The following CRMP1 variants were observed in gnomAD, a reference collection of about 807,000 sequenced individuals.
CRMP1 encodes the protein dihydropyrimidinase-related protein 1.
A neutral mutation model predicts 68.3 loss-of-function variants in CRMP1; 19 were observed. The ratio of observed to expected loss-of-function variants is 0.28; its 90% CI spans 0.19 to 0.41. The LOEUF (loss-of-function observed/expected upper bound fraction) is 0.41. Ranked by LOEUF, CRMP1 falls within the 10% of genes least tolerant of loss-of-function variation. The probability of loss-of-function intolerance (pLI) is 1.00; values close to 1 mark genes in which losing one functional copy is unlikely to be tolerated. For synonymous variants in CRMP1, 439 were observed against 399.6 expected (o/e 1.10, Z -1.18); for missense variants, 791 against 967.4 (o/e 0.82, Z 2.42).
At position 5,858,491 on chromosome 4, in the gene CRMP1, C is replaced by T. The variant is rs1713299407; in HGVS notation, c.656-2184G>A. Among the ~76,000 whole-genome samples, 2 of 152,138 alleles carry T rather than the reference C, an allele frequency of 1.3e-5. No homozygotes were observed. The highest frequency in any genetic ancestry group is 4.1e-4 in the South Asian group (2 of 4,824). ...AGGTCACCCGTGGCACTTCCTTTCC[C>T]TCACATGCCCCCGTGTGTGACCCAG... On this transcript the variant is annotated intron_variant, in intron 3 of 13. Coordinates refer to ENST00000324989, the MANE Select transcript of CRMP1 (RefSeq NM_001014809.3). The surrounding 1 kb of genome is among the most constrained non-coding windows in gnomAD (Gnocchi z 5.5).
In CRMP1 at chr4:5,836,828, G is replaced by A. The variant is rs146972312; in HGVS notation, c.1389C>T (p.Thr463=). 23 of 1,614,038 alleles carry A rather than the reference G, an allele frequency of 1.4e-5. No homozygotes were observed. The highest frequency in any genetic ancestry group is 2.2e-5 in the East Asian group (1 of 44,888). ...TCCCGTTGACACCCTCGGGGATCAG[G>A]GTAAAGTTGTCCTTGCCCACCGCCT... is the stretch of plus-strand genomic sequence containing the variant. ...AQKAVGKDNF[T]LIPEGVNGIE... is the part of the protein sequence containing the mutation. The change falls in exon 10 of 14, where the codon ACC becomes ACT. Residue 463 remains threonine, a synonymous_variant. Coordinates refer to ENST00000324989, the MANE Select transcript of CRMP1 (RefSeq NM_001014809.3).
chr4:5,839,392 C>G (rs1711532024), intron 9 of CRMP1, 130 bp downstream of exon 9: 1 of 1,180,414 alleles, frequency 8.5e-7, no homozygotes, highest in African/African-American at 1.5e-5. Context: ...GAGCGCAGTC[C>G]TTGCAGAGCA....
chr4:5,887,429 T>C, intron 1 of CRMP1: 1 of 985,364 alleles, frequency 1.0e-6, no homozygotes, highest in Non-Finnish European at 1.2e-6. Context: ...ACAGTCAGGC[T>C]CCACGCTGAT....
At chr4:5,824,657 C>T in intron 13 of CRMP1, 1 of 954,982 alleles carries the variant, frequency 1.0e-6, no homozygotes. Context: ...TTGAATATAA[C>T]ATCCTAGATG....
In CRMP1 at chr4:5,891,304, C is replaced by G. The variant is rs1452393800; in HGVS notation, c.381+1285G>C. Reference sequence around the variant, plus strand: ...AGCCCGCCCGCGAAGGGATGGGGCCCGAAGAGGCCCACCACCGTGTTTACC... The same window carrying G: ...AGCCCGCCCGCGAAGGGATGGGGCCGGAAGAGGCCCACCACCGTGTTTACC... On this transcript the variant is annotated intron_variant, in intron 1 of 13. Coordinates refer to ENST00000324989, the MANE Select transcript of CRMP1 (RefSeq NM_001014809.3). This position sits in a 1 kb window ranked among gnomAD's most constrained non-coding sequence, Gnocchi z 5.2. Among the ~76,000 whole-genome samples, 2 of 151,820 alleles carry G rather than the reference C, an allele frequency of 1.3e-5. No homozygotes were observed. Among genetic ancestry groups the G allele is most frequent in the South Asian group, 2.1e-4 (1 of 4,788 alleles).
In CRMP1 at chr4:5,853,278, T is replaced by G. The variant is rs868595533; in HGVS notation, c.821-1809A>C. Among the ~76,000 whole-genome samples the G allele has an allele frequency of 6.6e-6, 1 of 152,114 alleles. No individual in the cohort carries two copies. Among genetic ancestry groups the G allele is most frequent in the Non-Finnish European group, 1.5e-5 (1 of 68,014 alleles). ...AAATACAAAAATTAGCCGGGTGTGG[T>G]GGCAGGTGCCTGTAATCCAAGCTAC... On this transcript the variant is annotated intron_variant, in intron 4 of 13. Transcript: ENST00000324989. The surrounding 1 kb of genome is among the most constrained non-coding windows in gnomAD (Gnocchi z 4.7).
At position 5,865,319 on chromosome 4, in the gene CRMP1, C is replaced by G. The variant is rs540883896; in HGVS notation, c.470+1349G>C. Among the ~76,000 whole-genome samples, 8 of 152,076 alleles carry G rather than the reference C, an allele frequency of 5.3e-5. No individual in the cohort carries two copies. Among genetic ancestry groups the G allele is most frequent in the Non-Finnish European group, 1.0e-4 (7 of 68,006 alleles). ...AAAGAGAACTGCCCTGATCCTCACC[C>G]GCCAGTAAAATGTTAAGGCCAGCCA... On this transcript the variant is annotated intron_variant, in intron 2 of 13. Coordinates refer to ENST00000324989, the MANE Select transcript of CRMP1 (RefSeq NM_001014809.3). The surrounding 1 kb of genome is among the most constrained non-coding windows in gnomAD (Gnocchi z 4.1).
intron 13 of CRMP1, chr4:5,824,367 G>A (rs367628457): frequency 2.0e-6 from 2 of 985,412 alleles, no homozygotes; most frequent in Non-Finnish European, 2.4e-6. Context: ...CTTATGGAGA[G>A]TGAGATGAAT....
chr4:5,843,977 A>AC lies in CRMP1; in HGVS notation c.964-817_964-816insG, dbSNP rs1711990969. On this transcript the variant is annotated intron_variant, in intron 6 of 13. Coordinates refer to ENST00000324989, the MANE Select transcript of CRMP1 (RefSeq NM_001014809.3). This position sits in a 1 kb window ranked among gnomAD's most constrained non-coding sequence, Gnocchi z 4.1. ...AATTTCTAAAATAAAAAATAAAAAA[A>AC]AAATTTGACATTGCCCAGATGCCAG... 6.6e-6 allele frequency among the ~76,000 whole-genome samples: 1 copy of AC among 151,986 alleles called. No individual in the cohort carries two copies. Among genetic ancestry groups the AC allele is most frequent in the African/African-American group, 2.4e-5 (1 of 41,346 alleles).
intron 6 of CRMP1, among the ~76,000 whole-genome samples, chr4:5,847,699 T>C (rs1309885640): frequency 6.6e-6 from 1 of 152,234 alleles, no homozygotes; most frequent in East Asian, 1.9e-4. Flanking sequence ...ATCATGTTGC[T>C]CTTCCACTGC....
At chr4:5,829,794 A>G (rs6820236) in intron 11 of CRMP1, among the ~76,000 whole-genome samples, 32,475 of 152,174 alleles carry the variant, frequency 0.21, 5,800 homozygotes, top group African/African-American at 0.5. Flanking sequence ...AGTTCCCAAG[A>G]ATAAACAGTT....
chr4:5,865,685 T>A lies in CRMP1; in HGVS notation c.470+983A>T, dbSNP rs1329144924. On this transcript the variant is annotated intron_variant, in intron 2 of 13. Transcript: ENST00000324989. This position sits in a 1 kb window ranked among gnomAD's most constrained non-coding sequence, Gnocchi z 4.1. ...CTGCCTGGCGTTATGGACTGAATTG[T>A]ATCTCCCAAAATTCATGTTGAAGCC... Among the ~76,000 whole-genome samples, 2 of 151,626 alleles carry A rather than the reference T, an allele frequency of 1.3e-5. No individual in the cohort carries two copies. The highest frequency in any genetic ancestry group is 2.9e-5 in the Non-Finnish European group (2 of 68,010).
At position 5,860,124 on chromosome 4, in the gene CRMP1, A is replaced by G. The variant is rs1328794692; in HGVS notation, c.655+902T>C. The stretch of plus-strand genomic sequence containing the variant: ...GCCCGCAGTGTTTCCTTCCCTCCCC[A>G]ACCTCACCAGGGCTCTCTGTGGCAC... On this transcript the variant is annotated intron_variant, in intron 3 of 13. Transcript: ENST00000324989. This position sits in a 1 kb window ranked among gnomAD's most constrained non-coding sequence, Gnocchi z 4.2. Among the ~76,000 whole-genome samples, 1 of 151,908 alleles carries G rather than the reference A, an allele frequency of 6.6e-6. No homozygotes were observed. Among genetic ancestry groups the G allele is most frequent in the Admixed American group, 6.6e-5 (1 of 15,264 alleles).
intron 11 of CRMP1, among the ~76,000 whole-genome samples, chr4:5,833,758 T>C (rs754642047): frequency 3.9e-5 from 6 of 152,098 alleles, no homozygotes; most frequent in Non-Finnish European, 7.4e-5. Flanking sequence ...ACTGAAATAG[T>C]AAGAGGCTGG....
In CRMP1 at chr4:5,836,924, A is replaced by AG. The variant is rs1460140160; in HGVS notation, c.1311-19dup. On this transcript the variant is annotated intron_variant, in intron 9 of 13. Transcript: ENST00000324989. ...AGTCCCCACTGGCAAGGACAAAACA[A>AG]GGTAGAGTTCAGACCCTAGTTCATT... is the stretch of plus-strand genomic sequence containing the variant. The AG allele has an allele frequency of 1.2e-6, 2 of 1,600,168 alleles. No homozygotes were observed. The highest frequency in any genetic ancestry group is 4.5e-5 in the East Asian group (2 of 44,812).
chr4:5,859,187 C>G lies in CRMP1; in HGVS notation c.655+1839G>C, dbSNP rs1400534747. Among the ~76,000 whole-genome samples, 3 of 152,182 alleles carry G rather than the reference C, an allele frequency of 2.0e-5. No homozygotes were observed. In the East Asian group the frequency reaches 5.8e-4, roughly 29 times the overall value. On this transcript the variant is annotated intron_variant, in intron 3 of 13. Transcript: ENST00000324989. The surrounding 1 kb of genome is among the most constrained non-coding windows in gnomAD (Gnocchi z 5.2). ...GGTACAGTGCCTGGTGCGGACAACTCTTACTTAACATCTGTTGAATGAAGA... is the reference window on the plus strand; with the variant it reads ...GGTACAGTGCCTGGTGCGGACAACTGTTACTTAACATCTGTTGAATGAAGA...
chr4:5,860,435 G>C lies in CRMP1; in HGVS notation c.655+591C>G, dbSNP rs1439872559. The stretch of plus-strand genomic sequence containing the variant: ...CCCTCAAATGAGAAAAACAAGTGTT[G>C]CTTAAGATTTGGGGGCTGTTTGTTA... On this transcript the variant is annotated intron_variant, in intron 3 of 13. Transcript: ENST00000324989. The surrounding 1 kb of genome is among the most constrained non-coding windows in gnomAD (Gnocchi z 4.2). 3.9e-5 allele frequency among the ~76,000 whole-genome samples: 6 copies of C among 152,272 alleles called. No individual in the cohort carries two copies. The highest frequency in any genetic ancestry group is 3.4e-3 in the Middle Eastern group (1 of 294).
At position 5,892,745 on chromosome 4, in the gene CRMP1, C is replaced by G. The variant is rs1173034406; in HGVS notation, c.225G>C (p.Leu75=). The G allele has an allele frequency of 1.1e-5, 13 of 1,225,786 alleles. No homozygotes were observed. Among genetic ancestry groups the G allele is most frequent in the Non-Finnish European group, 1.3e-5 (13 of 985,582 alleles). The allele number at this position is 1,225,786 out of a possible 1,614,324, so 75.9% of individuals were successfully genotyped here. The change falls in exon 1 of 14, where the codon CTG becomes CTC. Residue 75 remains leucine, a synonymous_variant. Transcript: ENST00000324989. The surrounding 1 kb of genome is among the most constrained non-coding windows in gnomAD (Gnocchi z 8.6). The stretch of plus-strand genomic sequence containing the variant: ...TGTCCTCGCTGCCTCCCGGCCCTGG[C>G]AGCCCGACCGCGTCGGGCCGGCCAG... ...RSAGRPDAVG[L]PGPGGSEDTA...
chr4:5,833,503 C>G (rs966626311), intron 11 of CRMP1, among the ~76,000 whole-genome samples: 3 of 152,004 alleles, frequency 2.0e-5, no homozygotes, highest in Non-Finnish European at 4.4e-5. Flanking sequence ...TTTGTTTAAA[C>G]CACCCAACCT....
Sources: gnomAD v4.1 joint callset for allele counts (sites outside exome capture counted in the v4.1 genomes callset) on GRCh38, gnomAD v4.1.1 for gene constraint, Gnocchi (gnomAD v3.1) non-coding constraint, MANE v1.5 for transcripts, NCBI Gene and HGNC (gene_info 2026-07-23, HGNC 2026-07-21) for gene names.